The following MACF1 variants were observed in gnomAD, a reference collection of about 807,000 sequenced individuals.
The protein encoded by MACF1 is microtubule-actin cross-linking factor 1.
MACF1 carries 193 observed loss-of-function variants against 854.8 expected under a neutral mutation model. The observed-to-expected ratio is 0.23, with a 90% CI of 0.20 to 0.25. The LOEUF is 0.25. MACF1 is among the 10% of genes least tolerant of loss of function. MACF1 has a pLI of 1.00. For synonymous variants in MACF1, 3,185 were observed against 3,226.7 expected (o/e 0.99, Z 0.44); for missense variants, 7,722 against 8,929.1 (o/e 0.86, Z 5.45).
intron 1 of MACF1, among the ~76,000 whole-genome samples, chr1:39,219,282 T>C (rs556907546): frequency 4.7e-4 from 71 of 152,310 alleles, no homozygotes; most frequent in African/African-American, 1.6e-3. Context: ...TCTAATAAAT[T>C]TATGGAGGTT....
chr1:39,446,836 G>A (rs1644241240), intron 80 of MACF1, among the ~76,000 whole-genome samples: 1 of 152,120 alleles, frequency 6.6e-6, no homozygotes. Flanking sequence ...AAATGAAAGT[G>A]TCTGAAAATC....
rs190681266 is a variant in MACF1, at chr1:39,338,715, C to G, written c.10215+1384C>G. Among the ~76,000 whole-genome samples the G allele has an allele frequency of 9.6e-4, 146 of 152,268 alleles. 1 individual carries two copies. The Middle Eastern group carries it at 0.031, about 32-fold the overall frequency. ...AAATCAGTAGGATTAACTGGAAGTT[C>G]ACATACATACTGAATTTTGAGCTAT... On this transcript the variant is annotated intron_variant, in intron 38 of 100. Coordinates refer to ENST00000564288, the MANE Select transcript of MACF1 (RefSeq NM_001394062.1).
intron 47 of MACF1, 116 bp from the exon 48 acceptor site, chr1:39,360,671 TATAATA>T (rs149306191): frequency 1.9e-5 from 5 of 263,528 alleles, no homozygotes; most frequent in East Asian, 9.7e-5. Context: ...ACCACATCCA[TATAATA>T]ATAATAATAA....
At chr1:39,165,566 C>A (rs1275162832) in intron 2 of MACF1, among the ~76,000 whole-genome samples, 1 of 152,134 alleles carries the variant, frequency 6.6e-6, no homozygotes, top group Non-Finnish European at 1.5e-5. Flanking sequence ...AAAGAGTGAG[C>A]CTGTATAGCT....
rs1643590525 is a variant in MACF1 at position 39,422,846 on chromosome 1, G to A, written c.16095G>A (p.Gln5365=). The change falls in exon 60 of 101, where the codon CAG becomes CAA. Residue 5365 remains glutamine (Q), a synonymous_variant. Coordinates refer to ENST00000564288, the MANE Select transcript of MACF1 (RefSeq NM_001394062.1). ...LADTEELIAN[Q]KPPSAEYKVV... is the part of the protein sequence containing the mutation. ...ATACCGAGGAGCTCATAGCCAATCA[G>A]AAACCTCCATCTGCTGAGTATAAAG... The A allele has an allele frequency of 6.2e-7, 1 of 1,614,072 alleles. No individual in the cohort carries two copies. Among genetic ancestry groups the A allele is most frequent in the Non-Finnish European group, 8.5e-7 (1 of 1,180,046 alleles).
intron 2 of MACF1, among the ~76,000 whole-genome samples, chr1:39,173,718 G>T (rs1025334745): frequency 6.6e-6 from 1 of 152,234 alleles, no homozygotes; most frequent in South Asian, 2.1e-4. Context: ...AGGGGCGGCT[G>T]TGTTTGTTTT....
intron 58 of MACF1, among the ~76,000 whole-genome samples, chr1:39,396,524 G>A (rs186887183): frequency 3.3e-5 from 5 of 152,202 alleles, no homozygotes; most frequent in South Asian, 2.1e-4. Context: ...TGTATTGATC[G>A]TTTAGTAGTT....
Position 39,432,611 on chromosome 1 carries a change from G to A in MACF1, c.17414G>A (p.Arg5805His), listed in dbSNP as rs144615050. Residue 5805 changes from arginine to histidine, a missense_variant, in exon 67 of 101, where the codon CGC (arginine) becomes CAC (histidine). Arg to His is a conservative substitution (Grantham distance 29). Around this residue, in one of 15 missense-constraint regions of MACF1, gnomAD observed 2,807 missense variants for 3,235.8 expected, o/e 0.87. Transcript: ENST00000564288. ...KRKLMALGPI[R>H]LEQDQTTAQL... ...AAACTGATGGCTCTGGGTCCAATTCGCCTGGAACAGGACCAGACCACAGCT... is the reference window on the plus strand; with the variant it reads ...AAACTGATGGCTCTGGGTCCAATTCACCTGGAACAGGACCAGACCACAGCT... 490 of 1,613,960 alleles carry A rather than the reference G, an allele frequency of 3.0e-4. 1 individual carries two copies. The African/African-American group carries it at 5.6e-3, about 18-fold the overall frequency.
chr1:39,245,727 A>G (rs1644975087), intron 2 of MACF1, among the ~76,000 whole-genome samples: 2 of 152,244 alleles, frequency 1.3e-5, no homozygotes, highest in Admixed American at 6.5e-5. Flanking sequence ...GTCTCAATCA[A>G]TCAAGCAATA....
chr1:39,186,268 C>CTT (rs763403413), intron 2 of MACF1, among the ~76,000 whole-genome samples: 9 of 118,106 alleles, frequency 7.6e-5, no homozygotes, highest in Non-Finnish European at 1.8e-5. Context: ...GGTGAAATGA[C>CTT]TTTTTTTTTT....
At chr1:39,480,644 TAAAAA>T (rs994527737) in intron 98 of MACF1, among the ~76,000 whole-genome samples, 7 of 146,218 alleles carry the variant, frequency 4.8e-5, no homozygotes, top group Admixed American at 6.8e-5. Context: ...AAATAAAAAT[TAAAAA>T]AAAAAAAAAT....
At chr1:39,427,164 ATCTT>A (rs1330680114) in intron 61 of MACF1, among the ~76,000 whole-genome samples, 4 of 152,154 alleles carry the variant, frequency 2.6e-5, no homozygotes, top group East Asian at 3.9e-4. Context: ...GATTGGACAA[ATCTT>A]TCTTTAAGCC....
chr1:39,474,730 T>G (rs1644843189), intron 97 of MACF1, among the ~76,000 whole-genome samples: 1 of 152,178 alleles, frequency 6.6e-6, no homozygotes, highest in Non-Finnish European at 1.5e-5. Context: ...TTTGTGTGTG[T>G]GTATAAGTGT....
chr1:39,335,803 G>A lies in MACF1; in HGVS notation c.9215G>A (p.Gly3072Glu), dbSNP rs1285564044. 6.2e-7 allele frequency: 1 copy of A among 1,612,398 alleles called. No individual in the cohort carries two copies. The highest frequency in any genetic ancestry group is 2.2e-5 in the East Asian group (1 of 44,878). ...TTCAGCTCTAAACAGGCCAATGAAGGAAAAGTAAACAATTTAAGTCTCTGC... is the reference window on the plus strand; with the variant it reads ...TTCAGCTCTAAACAGGCCAATGAAGAAAAAGTAAACAATTTAAGTCTCTGC... Reference protein sequence around the residue: ...TLFSSKQANEGKVNNLSLCLT... With the variant: ...TLFSSKQANEEKVNNLSLCLT... Residue 3072 changes from glycine (G) to glutamate (E), a missense_variant, in exon 37 of 101, where the codon GGA becomes GAA. By Grantham distance (98) the Gly-to-Glu change is moderately conservative. This residue lies in a region of MACF1 where 854 missense variants were observed against 852.6 expected (regional missense o/e 1.00). Transcript: ENST00000564288.
At chr1:39,434,358 T>A in intron 68 of MACF1, 56 bp from the exon 69 acceptor site, 1 of 1,049,298 alleles carries the variant, frequency 9.5e-7, no homozygotes, top group Non-Finnish European at 1.4e-6. Flanking sequence ...ACTTTTTTTC[T>A]TAAGAGTTTA....
chr1:39,315,027 C>A (rs1302851662), intron 26 of MACF1, among the ~76,000 whole-genome samples: 2 of 152,102 alleles, frequency 1.3e-5, no homozygotes, highest in African/African-American at 4.8e-5. Flanking sequence ...TTATTTATTT[C>A]TTTACAAGAA....
At chr1:39,424,301 G>GT (rs2148640559) in intron 61 of MACF1, 107 bp downstream of exon 61, 1 of 882,648 alleles carries the variant, frequency 1.1e-6, no homozygotes, top group East Asian at 2.7e-5. Context: ...TTTGGAAGGT[G>GT]TTTAATGGCT....
At chr1:39,089,496 T>C (rs1450859410) in intron 2 of MACF1, among the ~76,000 whole-genome samples, 3 of 152,210 alleles carry the variant, frequency 2.0e-5, no homozygotes, top group East Asian at 1.9e-4. Flanking sequence ...GTTGGCTTTA[T>C]ATTCACGTTC....
At chr1:39,153,347 C>G (rs549351996) in intron 2 of MACF1, among the ~76,000 whole-genome samples, 2 of 152,250 alleles carry the variant, frequency 1.3e-5, no homozygotes, top group East Asian at 3.9e-4. Context: ...CAGATTTATC[C>G]TAAAAGCAAG....
Sources: allele counts gnomAD v4.1 joint callset (sites outside exome capture counted in the v4.1 genomes callset), GRCh38; gene constraint gnomAD v4.1.1; regional missense constraint gnomAD v4.1.1; transcripts MANE v1.5; gene names NCBI Gene and HGNC (gene_info 2026-07-23, HGNC 2026-07-21).